Variants in GRID1 observed in about 807,000 individuals in gnomAD.
GRID1 encodes glutamate receptor ionotropic, delta-1.
Under a neutral mutation model 98.0 loss-of-function variants are expected in GRID1, and 28 were observed. The ratio of observed to expected loss-of-function variants is 0.29; its 90% confidence interval spans 0.21 to 0.39. GRID1 has a LOEUF of 0.39. Among genes scored for constraint, GRID1 ranks in the 10% least tolerant of loss-of-function variants. The probability of loss-of-function intolerance (pLI) is 1.00; values close to 1 mark genes in which losing one functional copy is unlikely to be tolerated. For synonymous variants in GRID1, 553 were observed against 538.5 expected, an observed-to-expected ratio of 1.03 and a Z score of -0.37; for missense variants, 1,111 against 1,340.5, an observed-to-expected ratio of 0.83 and a Z score of 2.67.
intron 2 of GRID1, among the ~76,000 whole-genome samples, chr10:86,245,375 T>C (rs1846707127): frequency 6.6e-6 from 1 of 152,230 alleles, no homozygotes. Flanking sequence ...TCCTATGGCC[T>C]GTCACCATCA....
intron 2 of GRID1, among the ~76,000 whole-genome samples, chr10:86,288,599 G>A (rs140341153): frequency 2.0e-5 from 3 of 152,274 alleles, no homozygotes; most frequent in African/African-American, 4.8e-5. Context: ...TCTCGGTTGC[G>A]TTCTGGGGGA....
At chr10:85,810,456 G>C (rs1471125722) in intron 8 of GRID1, among the ~76,000 whole-genome samples, 2 of 152,158 alleles carry the variant, frequency 1.3e-5, no homozygotes, top group African/African-American at 2.4e-5. Flanking sequence ...CCCTTGAGCT[G>C]CTAAGCAGCT....
At chr10:86,260,790 A>G (rs1319347355) in intron 2 of GRID1, among the ~76,000 whole-genome samples, 1 of 152,218 alleles carries the variant, frequency 6.6e-6, no homozygotes, top group Non-Finnish European at 1.5e-5. Flanking sequence ...ACACCCCTTC[A>G]TTCAGACTCC....
intron 3 of GRID1, among the ~76,000 whole-genome samples, chr10:86,155,334 G>A (rs905035274): frequency 3.9e-5 from 6 of 152,156 alleles, no homozygotes; most frequent in East Asian, 1.9e-4. Flanking sequence ...GCCTCTGCCC[G>A]GGACACCAAA....
chr10:86,156,462 G>A (rs1845247216), intron 3 of GRID1, among the ~76,000 whole-genome samples: 2 of 152,184 alleles, frequency 1.3e-5, no homozygotes, highest in Admixed American at 1.3e-4. Flanking sequence ...GGAGACTCAG[G>A]AGGTGAGAGC....
At chr10:86,137,967 C>T (rs1478945033) in intron 4 of GRID1, among the ~76,000 whole-genome samples, 2 of 152,132 alleles carry the variant, frequency 1.3e-5, no homozygotes, top group Non-Finnish European at 2.9e-5. Flanking sequence ...TACTTTCAAT[C>T]AGAGAGGGCC....
intron 12 of GRID1, among the ~76,000 whole-genome samples, chr10:85,667,696 T>G (rs1841037853): frequency 6.6e-6 from 1 of 152,228 alleles, no homozygotes; most frequent in African/African-American, 2.4e-5. Context: ...TTCCCCAGTG[T>G]GCCCCCAGAA....
At chr10:86,196,106 T>C (rs1845868453) in intron 3 of GRID1, among the ~76,000 whole-genome samples, 1 of 151,960 alleles carries the variant, frequency 6.6e-6, no homozygotes, top group Non-Finnish European at 1.5e-5. Flanking sequence ...CCTTCATCCT[T>C]TCCCATAAGC....
intron 2 of GRID1, among the ~76,000 whole-genome samples, chr10:86,276,762 T>C (rs2132065214): frequency 6.6e-6 from 1 of 152,216 alleles, no homozygotes; most frequent in Admixed American, 6.5e-5. Flanking sequence ...AGTGCTGGGA[T>C]TACAGGCGTG....
At chr10:85,879,968 T>C (rs1362173270) in intron 5 of GRID1, among the ~76,000 whole-genome samples, 7 of 151,916 alleles carry the variant, frequency 4.6e-5, no homozygotes, top group Non-Finnish European at 7.4e-5. Context: ...GAAATACAAA[T>C]TACCATCAGA....
At chr10:86,214,849 A>G (rs1486015340) in intron 2 of GRID1, among the ~76,000 whole-genome samples, 5 of 152,234 alleles carry the variant, frequency 3.3e-5, no homozygotes, top group African/African-American at 9.6e-5. Context: ...ATCCTGGGCT[A>G]CAAAGCAAGA....
intron 3 of GRID1, among the ~76,000 whole-genome samples, chr10:86,143,324 C>T (rs550325383): frequency 2.0e-5 from 3 of 152,284 alleles, no homozygotes; most frequent in Non-Finnish European, 4.4e-5. Flanking sequence ...CACGGAACCC[C>T]ACTTCTCCCG....
At chr10:86,248,721 C>T (rs530056735) in intron 2 of GRID1, among the ~76,000 whole-genome samples, 8 of 152,072 alleles carry the variant, frequency 5.3e-5, no homozygotes, top group Admixed American at 3.3e-4. Flanking sequence ...TACAAACATG[C>T]ACCACCACAC....
intron 4 of GRID1, among the ~76,000 whole-genome samples, chr10:85,983,027 T>C (rs1842564826): frequency 6.6e-6 from 1 of 152,202 alleles, no homozygotes; most frequent in Non-Finnish European, 1.5e-5. Flanking sequence ...TTGATCCAAT[T>C]AGCCAATTTG....
intron 8 of GRID1, among the ~76,000 whole-genome samples, chr10:85,770,145 C>T (rs1590223861): frequency 3.3e-5 from 5 of 152,176 alleles, no homozygotes; most frequent in African/African-American, 4.8e-5. Flanking sequence ...GAGGAACGAT[C>T]GGACAGCAGC....
At chr10:86,336,617 C>T (rs1054254797) in intron 2 of GRID1, among the ~76,000 whole-genome samples, 38 of 152,344 alleles carry the variant, frequency 2.5e-4, no homozygotes, top group African/African-American at 7.0e-4. Context: ...CCGTGGTGTC[C>T]CCACCCAGTA....
At position 85,994,942 on chromosome 10, in the gene GRID1, T is replaced by C. The variant is rs142734470; in HGVS notation, c.727-78703A>G. On this transcript the variant is annotated intron_variant, in intron 4 of 15. Coordinates refer to ENST00000327946, the MANE Select transcript of GRID1 (RefSeq NM_017551.3). ...ATATTTTTAAACATTTCCACCTGGC[T>C]GAAACAACTGCAAATGTAAAATTAA... is the stretch of plus-strand genomic sequence containing the variant. Among the ~76,000 whole-genome samples the C allele has an allele frequency of 4.7e-3, 711 of 152,354 alleles. 3 individuals are homozygous for C. The highest frequency in any genetic ancestry group is 0.024 in the Middle Eastern group (7 of 294).
chr10:86,173,678 A>G (rs1845528463), intron 3 of GRID1, among the ~76,000 whole-genome samples: 1 of 150,930 alleles, frequency 6.6e-6, no homozygotes, highest in Middle Eastern at 3.4e-3. Flanking sequence ...GCACCCATTA[A>G]CTCGTCATTT....
intron 8 of GRID1, among the ~76,000 whole-genome samples, chr10:85,813,459 G>A (rs1184688198): frequency 4.3e-4 from 60 of 139,026 alleles, no homozygotes; most frequent in African/African-American, 1.4e-3. Context: ...AATGTGAAAC[G>A]CTGAAAAAAA....
Sources: allele counts gnomAD v4.1 joint callset (sites outside exome capture counted in the v4.1 genomes callset), GRCh38; gene constraint gnomAD v4.1.1; transcripts MANE v1.5; gene names NCBI Gene and HGNC (gene_info 2026-07-23, HGNC 2026-07-21).